FNDC3B: variants seen among roughly 807,000 people sequenced by gnomAD.
The protein encoded by FNDC3B is fibronectin type III domain-containing protein 3B.
FNDC3B carries 12 observed loss-of-function variants against 151.5 expected under a neutral mutation model. That is an observed-to-expected ratio of 0.08 (90% CI 0.05 to 0.13). FNDC3B has a LOEUF of 0.13. Among genes scored for constraint, FNDC3B ranks in the 10% least tolerant of loss-of-function variants. The pLI is 1.00. For synonymous variants in FNDC3B, 528 were observed against 549.0 expected (o/e 0.96, Z 0.54); for missense variants, 1,214 against 1,505.3 (o/e 0.81, Z 3.20).
chr3:172,304,254 G>C (rs1731080091), intron 9 of FNDC3B, among the ~76,000 whole-genome samples: 1 of 152,204 alleles, frequency 6.6e-6, no homozygotes, highest in African/African-American at 2.4e-5. Flanking sequence ...ACAACTGACT[G>C]CATCCTGCTA....
chr3:172,192,603 GT>G (rs1310052135), intron 3 of FNDC3B, among the ~76,000 whole-genome samples: 1 of 152,086 alleles, frequency 6.6e-6, no homozygotes, highest in Non-Finnish European at 1.5e-5. Flanking sequence ...GCCAGGAACT[GT>G]TTTATAAGTA....
At chr3:172,343,589 T>G (rs1733449380) in intron 18 of FNDC3B, among the ~76,000 whole-genome samples, 1 of 152,258 alleles carries the variant, frequency 6.6e-6, no homozygotes, top group African/African-American at 2.4e-5. Context: ...TGATTTAAGC[T>G]GTATTAGCGT....
At chr3:172,346,773 G>A (rs1229581354) in intron 20 of FNDC3B, among the ~76,000 whole-genome samples, 2 of 151,846 alleles carry the variant, frequency 1.3e-5, no homozygotes, top group African/African-American at 2.4e-5. Context: ...GCACAATCTC[G>A]GCTCACTGCA....
chr3:172,370,965 A>G (rs1734853154), intron 23 of FNDC3B, among the ~76,000 whole-genome samples: 1 of 152,094 alleles, frequency 6.6e-6, no homozygotes, highest in Non-Finnish European at 1.5e-5. Context: ...TTATTACCCA[A>G]ATTCCATAAT....
intron 1 of FNDC3B, among the ~76,000 whole-genome samples, chr3:172,041,619 A>T (rs1216018994): frequency 2.3e-5 from 3 of 128,620 alleles, no homozygotes; most frequent in Admixed American, 1.6e-4. Context: ...CTGGAATAAC[A>T]CTTTTTTTTT....
At chr3:172,290,604 G>A (rs1371450798) in intron 7 of FNDC3B, among the ~76,000 whole-genome samples, 1 of 152,110 alleles carries the variant, frequency 6.6e-6, no homozygotes, top group Admixed American at 6.5e-5. Context: ...TTCCATCCGC[G>A]AATGTTTAGC....
chr3:172,397,350 T>C lies in FNDC3B; in HGVS notation c.3490T>C (p.Leu1164=), dbSNP rs1307926846. The C allele has an allele frequency of 6.2e-7, 1 of 1,614,026 alleles. No individual in the cohort carries two copies. Among genetic ancestry groups the C allele is most frequent in the Non-Finnish European group, 8.5e-7 (1 of 1,179,986 alleles). Residue 1164 remains leucine (L), a synonymous_variant, in exon 26 of 26, where the codon TTA becomes CTA. Coordinates refer to ENST00000415807, the MANE Select transcript of FNDC3B (RefSeq NM_022763.4). ...CATGCTTACAGGGGACATGGGGAGC[T>C]TAGATGATCCCAAAATGAAGAGCAT... is the stretch of plus-strand genomic sequence containing the variant. The part of the protein sequence containing the change: ...EVMLTGDMGS[L]DDPKMKSMMP...
intron 3 of FNDC3B, among the ~76,000 whole-genome samples, chr3:172,189,203 G>C: frequency 6.6e-6 from 1 of 151,948 alleles, no homozygotes; most frequent in East Asian, 1.9e-4. Context: ...TTTCTACTAG[G>C]GTGTTATTTT....
At chr3:172,215,299 G>C (rs1725918784) in intron 3 of FNDC3B, among the ~76,000 whole-genome samples, 2 of 152,236 alleles carry the variant, frequency 1.3e-5, no homozygotes, top group African/African-American at 4.8e-5. Flanking sequence ...AGGGCCTTGT[G>C]GCCAGGCAAA....
intron 3 of FNDC3B, among the ~76,000 whole-genome samples, chr3:172,191,187 AGCCTGG>A (rs1284474014): frequency 6.6e-6 from 1 of 152,148 alleles, no homozygotes; most frequent in Non-Finnish European, 1.5e-5. Context: ...TGATGAATGG[AGCCTGG>A]GTTCTTTAGC....
At chr3:172,116,171 G>A (rs1720236060) in intron 2 of FNDC3B, among the ~76,000 whole-genome samples, 1 of 152,172 alleles carries the variant, frequency 6.6e-6, no homozygotes, top group African/African-American at 2.4e-5. Flanking sequence ...CATTACGAAT[G>A]AAGCTTTTAA....
At chr3:172,148,873 A>G (rs1722069196) in intron 3 of FNDC3B, among the ~76,000 whole-genome samples, 1 of 152,218 alleles carries the variant, frequency 6.6e-6, no homozygotes, top group Admixed American at 6.5e-5. Context: ...TCAGAAGCGA[A>G]TAGAATGCCA....
At chr3:172,391,972 G>A (rs1736033682) in intron 25 of FNDC3B, among the ~76,000 whole-genome samples, 2 of 144,132 alleles carry the variant, frequency 1.4e-5, no homozygotes, top group Non-Finnish European at 3.0e-5. Context: ...ACAACTAAAA[G>A]CTATCTTTAA....
chr3:172,363,625 A>G (rs1379802008), intron 23 of FNDC3B, among the ~76,000 whole-genome samples: 1 of 152,204 alleles, frequency 6.6e-6, no homozygotes, highest in Non-Finnish European at 1.5e-5. Context: ...CTACTGACAC[A>G]CAAAACCAGT....
chr3:172,361,248 G>A (rs1042337900), intron 22 of FNDC3B, among the ~76,000 whole-genome samples: 2 of 152,134 alleles, frequency 1.3e-5, no homozygotes, highest in Non-Finnish European at 2.9e-5. Flanking sequence ...TTCTTCTCCT[G>A]AAAGTACTCT....
In FNDC3B at chr3:172,352,782, T is replaced by C; in HGVS notation, c.2515-21T>C. On this transcript the variant is annotated intron_variant, in intron 21 of 25. Transcript: ENST00000415807. The surrounding 1 kb of genome is among the most constrained non-coding windows in gnomAD (Gnocchi z 4.2). ...TGCTAATGGTGTAATATGGCCTTTG[T>C]CTTGCTGTTCTGTTTTGTAGGCCTT... 1 of 1,608,574 alleles carries C rather than the reference T, an allele frequency of 6.2e-7. No homozygotes were observed. Among genetic ancestry groups the C allele is most frequent in the Non-Finnish European group, 8.5e-7 (1 of 1,178,054 alleles).
At chr3:172,215,007 A>G (rs1170536601) in intron 3 of FNDC3B, among the ~76,000 whole-genome samples, 1 of 152,262 alleles carries the variant, frequency 6.6e-6, no homozygotes, top group Non-Finnish European at 1.5e-5. Flanking sequence ...TACTTGTCAT[A>G]CAGCTTTCAG....
At chr3:172,353,822 G>C (rs985897876) in intron 22 of FNDC3B, among the ~76,000 whole-genome samples, 2 of 152,170 alleles carry the variant, frequency 1.3e-5, no homozygotes, top group Admixed American at 6.5e-5. Context: ...AATATGCCAA[G>C]GCTAGTATAT....
chr3:172,323,870 G>C (rs1191229549), intron 11 of FNDC3B, among the ~76,000 whole-genome samples: 12 of 152,154 alleles, frequency 7.9e-5, no homozygotes, highest in Admixed American at 7.9e-4. Context: ...AAGTGAGTGA[G>C]GATGAGGATG....
Sources: allele counts gnomAD v4.1 joint callset (sites outside exome capture counted in the v4.1 genomes callset), GRCh38; gene constraint gnomAD v4.1.1; non-coding constraint Gnocchi (gnomAD v3.1); transcripts MANE v1.5; gene names NCBI Gene and HGNC (gene_info 2026-07-23, HGNC 2026-07-21).